The following GPATCH2 variants were observed in gnomAD, a reference collection of about 807,000 sequenced individuals.
GPATCH2 encodes the protein G-patch domain containing 2.
A neutral mutation model predicts 58.0 loss-of-function variants in GPATCH2; 51 were observed. The ratio of observed to expected loss-of-function variants is 0.88; its 90% CI spans 0.70 to 1.11. The LOEUF is 1.11. Among genes scored for constraint, GPATCH2 ranks in the 50% most tolerant of loss-of-function variants. The pLI is 0.00. For missense variants in GPATCH2, 625 were observed against 652.2 expected (o/e 0.96, Z 0.45); for synonymous variants, 222 against 218.5 (o/e 1.02, Z -0.14).
intron 2 of GPATCH2, among the ~76,000 whole-genome samples, chr1:217,615,875 T>G (rs999122266): frequency 6.6e-6 from 1 of 152,108 alleles, no homozygotes; most frequent in African/African-American, 2.4e-5. Flanking sequence ...GATGTGCTAT[T>G]TTTTCTAGAC....
chr1:217,618,495 G>A lies in GPATCH2; in HGVS notation c.773+1288C>T, dbSNP rs528876280. ...AGTGCTGGGAGTAAAGGCATGAGCC[G>A]CCATGCTCAGCCACAATTTTTTAAT... On this transcript the variant is annotated intron_variant, in intron 2 of 9. Transcript: ENST00000366935. Among the ~76,000 whole-genome samples the A allele has an allele frequency of 3.4e-4, 51 of 151,974 alleles. 1 individual carries two copies. The highest frequency in any genetic ancestry group is 1.0e-3 in the African/African-American group (42 of 41,454).
intron 3 of GPATCH2, among the ~76,000 whole-genome samples, chr1:217,613,345 T>A (rs913534006): frequency 6.6e-6 from 1 of 152,134 alleles, no homozygotes; most frequent in Non-Finnish European, 1.5e-5. Flanking sequence ...CCTTTTCTTA[T>A]AACATCATTA....
intron 5 of GPATCH2, among the ~76,000 whole-genome samples, chr1:217,568,017 T>C (rs1328792440): frequency 6.6e-6 from 1 of 152,108 alleles, no homozygotes; most frequent in Non-Finnish European, 1.5e-5. Context: ...CTCAGGAGGC[T>C]GAGGCAGGAG....
At chr1:217,575,326 G>C (rs1036556671) in intron 5 of GPATCH2, among the ~76,000 whole-genome samples, 5 of 152,108 alleles carry the variant, frequency 3.3e-5, no homozygotes. Flanking sequence ...CCACAGGAAT[G>C]ATGTTAAAAA....
intron 1 of GPATCH2, among the ~76,000 whole-genome samples, chr1:217,625,458 G>A (rs944458402): frequency 6.6e-6 from 1 of 152,110 alleles, no homozygotes; most frequent in African/African-American, 2.4e-5. Flanking sequence ...AATAGCAAGA[G>A]TGAAGAAAGC....
chr1:217,612,170 GAC>G (rs1334735684), intron 3 of GPATCH2, among the ~76,000 whole-genome samples: 1 of 151,580 alleles, frequency 6.6e-6, no homozygotes, highest in Admixed American at 6.6e-5. Context: ...CACAGGGCGA[GAC>G]CTTGTGTTAA....
At chr1:217,512,509 C>T (rs1662903308) in intron 6 of GPATCH2, among the ~76,000 whole-genome samples, 1 of 152,150 alleles carries the variant, frequency 6.6e-6, no homozygotes, top group Non-Finnish European at 1.5e-5. Flanking sequence ...ATTTCTCTGA[C>T]AAAGAGCATG....
chr1:217,441,568 T>C (rs904439253), intron 9 of GPATCH2, among the ~76,000 whole-genome samples: 4 of 151,806 alleles, frequency 2.6e-5, no homozygotes, highest in Admixed American at 6.6e-5. Context: ...AGGCAACCTA[T>C]GGGAGAAAAT....
intron 8 of GPATCH2, among the ~76,000 whole-genome samples, chr1:217,486,258 C>T (rs1286383520): frequency 1.3e-5 from 2 of 152,124 alleles, no homozygotes; most frequent in African/African-American, 4.8e-5. Context: ...TAATATCTTC[C>T]TATATCTATT....
chr1:217,442,336 T>C (rs1388202835), intron 9 of GPATCH2, among the ~76,000 whole-genome samples: 1 of 151,970 alleles, frequency 6.6e-6, no homozygotes, highest in African/African-American at 2.4e-5. Flanking sequence ...TACTGGGGCC[T>C]CTTGTGGGGT....
intron 2 of GPATCH2, among the ~76,000 whole-genome samples, chr1:217,618,635 A>C (rs939429119): frequency 5.9e-5 from 9 of 152,004 alleles, no homozygotes; most frequent in South Asian, 4.1e-4. Flanking sequence ...AAAAAACCCC[A>C]AAAAAACAAA....
rs1010714550 is a variant in GPATCH2, at chr1:217,520,188, A to G, written c.1099-5299T>C. Among the ~76,000 whole-genome samples, 4 of 152,212 alleles carry G rather than the reference A, an allele frequency of 2.6e-5. No individual in the cohort carries two copies. In the South Asian group the frequency reaches 6.2e-4, roughly 24 times the overall value. On this transcript the variant is annotated intron_variant, in intron 5 of 9. Coordinates refer to ENST00000366935, the MANE Select transcript of GPATCH2 (RefSeq NM_018040.5). Reference sequence around the variant, plus strand: ...TAGAACATCTAATGTATTCCTGGTAATATGTCTAATGCTAGGGAGAAGTCA... The same window carrying G: ...TAGAACATCTAATGTATTCCTGGTAGTATGTCTAATGCTAGGGAGAAGTCA...
chr1:217,437,545 G>A (rs892438905), intron 9 of GPATCH2, among the ~76,000 whole-genome samples: 2 of 152,310 alleles, frequency 1.3e-5, no homozygotes, highest in Middle Eastern at 3.4e-3. Context: ...GAATTTGGTG[G>A]GGGAAGGGGC....
intron 6 of GPATCH2, among the ~76,000 whole-genome samples, chr1:217,505,804 T>G (rs1662524703): frequency 6.6e-6 from 1 of 152,142 alleles, no homozygotes; most frequent in Admixed American, 6.5e-5. Context: ...TAAATTTACT[T>G]TATTCAATTA....
At chr1:217,504,976 G>C (rs1662479021) in intron 6 of GPATCH2, among the ~76,000 whole-genome samples, 1 of 152,202 alleles carries the variant, frequency 6.6e-6, no homozygotes, top group Non-Finnish European at 1.5e-5. Context: ...CTCTGAAAGA[G>C]AATGGGTATT....
At chr1:217,521,107 A>G (rs879768662) in intron 5 of GPATCH2, among the ~76,000 whole-genome samples, 26 of 152,254 alleles carry the variant, frequency 1.7e-4, no homozygotes, top group African/African-American at 5.5e-4. Flanking sequence ...CAGCCTCCCC[A>G]AGTACTGGGA....
rs372483474 is a variant in GPATCH2, at chr1:217,431,384, A to G, written c.1367-19T>C. On this transcript the variant is annotated intron_variant, in intron 9 of 9. Transcript: ENST00000366935. ...ACAAATCCTGAAATGATAAAACAACAGCACACATTAATCAGTATGAACACA... is the reference window on the plus strand; with the variant it reads ...ACAAATCCTGAAATGATAAAACAACGGCACACATTAATCAGTATGAACACA... 4.0e-6 allele frequency: 5 copies of G among 1,259,840 alleles called. No individual in the cohort carries two copies. The highest frequency in any genetic ancestry group is 5.8e-6 in the Non-Finnish European group (5 of 856,122). The allele number at this position is 1,259,840 out of a possible 1,614,324, so 78.0% of individuals were successfully genotyped here.
At chr1:217,586,801 A>G (rs1667361833) in intron 5 of GPATCH2, among the ~76,000 whole-genome samples, 1 of 152,184 alleles carries the variant, frequency 6.6e-6, no homozygotes, top group Non-Finnish European at 1.5e-5. Flanking sequence ...TTACAATGCC[A>G]CGAGGTGACA....
rs139900339 is a variant in GPATCH2, at chr1:217,471,464, C to T, written c.1277+20216G>A. Reference sequence around the variant, plus strand: ...CAAATTATGTCTCCTTTCCAAACAACAAATGACAGTATGGGGAAGACTGAG... The same window carrying T: ...CAAATTATGTCTCCTTTCCAAACAATAAATGACAGTATGGGGAAGACTGAG... On this transcript the variant is annotated intron_variant, in intron 8 of 9. Transcript: ENST00000366935. Among the ~76,000 whole-genome samples, 11 of 152,248 alleles carry T rather than the reference C, an allele frequency of 7.2e-5. No individual in the cohort carries two copies. In the East Asian group the frequency reaches 2.1e-3, roughly 29 times the overall value.
Sources: gnomAD v4.1 joint callset for allele counts (sites outside exome capture counted in the v4.1 genomes callset) on GRCh38, gnomAD v4.1.1 for gene constraint, MANE v1.5 for transcripts, NCBI Gene and HGNC (gene_info 2026-07-23, HGNC 2026-07-21) for gene names.